Variants in METTL14 observed in about 807,000 individuals in gnomAD.
The protein encoded by METTL14 is methyltransferase 14, N6-adenosine-methyltransferase non-catalytic subunit.
Under a neutral mutation model 62.4 loss-of-function variants are expected in METTL14, and 32 were observed. The ratio of observed to expected loss-of-function variants is 0.51; its 90% CI spans 0.39 to 0.69. The LOEUF is 0.69. METTL14 is among the 30% of genes least tolerant of loss of function. METTL14 has a pLI of 0.00. For synonymous variants in METTL14, 150 were observed against 180.0 expected (o/e 0.83, Z 1.34); for missense variants, 340 against 551.9 (o/e 0.62, Z 3.85).
intron 7 of METTL14, 50 bp downstream of exon 7, chr4:118,697,373 T>C: frequency 3.4e-6 from 5 of 1,450,246 alleles, no homozygotes; most frequent in Non-Finnish European, 4.7e-6. Flanking sequence ...TTCAAATGAA[T>C]ATGTTTATTT....
chr4:118,694,174 G>C, intron 5 of METTL14, among the ~76,000 whole-genome samples: 1 of 149,700 alleles, frequency 6.7e-6, no homozygotes, highest in South Asian at 2.1e-4. Flanking sequence ...AGGGGTAATG[G>C]TTTAACTTAA....
At chr4:118,702,059 G>A (rs1378425552) in intron 8 of METTL14, among the ~76,000 whole-genome samples, 1 of 151,034 alleles carries the variant, frequency 6.6e-6, no homozygotes, top group Admixed American at 6.6e-5. Context: ...TTTAATATCT[G>A]ACTTTGATCT....
intron 2 of METTL14, 43 bp from the exon 3 acceptor site, chr4:118,689,327 A>G (rs1272936111): frequency 1.9e-6 from 2 of 1,062,566 alleles, no homozygotes; most frequent in Admixed American, 4.5e-5. Context: ...GCATTTATAC[A>G]TCTTGTATAT....
Position 118,700,616 on chromosome 4 carries a change from G to A in METTL14, c.712G>A (p.Gly238Arg). Residue 238 changes from glycine to arginine, a missense_variant, in exon 8 of 11, where the codon GGG (glycine) becomes AGG (arginine). Coordinates refer to ENST00000388822, the MANE Select transcript of METTL14 (RefSeq NM_020961.4). ...RSFIFLWCGS[G>R]EGLDLGRVCL... ...ATTTATTTTTCTCTGGTGTGGTTCT[G>A]GGGAGGGGTTGGACCTTGGAAGAGT... 6.2e-7 allele frequency: 1 copy of A among 1,612,362 alleles called. No homozygotes were observed. Among genetic ancestry groups the A allele is most frequent in the Non-Finnish European group, 8.5e-7 (1 of 1,178,890 alleles).
chr4:118,691,362 G>A lies in METTL14; in HGVS notation c.244-170G>A, dbSNP rs528377100. 2.6e-5 allele frequency among the ~76,000 whole-genome samples: 4 copies of A among 152,172 alleles called. No individual in the cohort carries two copies. In the East Asian group the frequency reaches 7.7e-4, roughly 29 times the overall value. On this transcript the variant is annotated intron_variant, in intron 3 of 10. Transcript: ENST00000388822. ...GGAAATTTTTTTATGAAAATAATCA[G>A]CTAGCTAGATCTAATAATGGGAAAG...
Position 118,697,299 on chromosome 4 carries a change from T to C in METTL14, c.621T>C (p.Asn207=). The change falls in exon 7 of 11, where the codon AAT becomes AAC. Residue 207 remains asparagine, a synonymous_variant. Transcript: ENST00000388822. ...EYYRETGITA[N]EKCWTWDDIM... The stretch of plus-strand genomic sequence containing the variant: ...ACAGAGAAACTGGCATCACTGCTAA[T>C]GAAAAATGCTGGACTTGGGATGATG... 6.2e-7 allele frequency: 1 copy of C among 1,606,300 alleles called. No individual in the cohort carries two copies.
rs930748282 is a variant in METTL14, at chr4:118,710,233, C to A, written c.1302C>A (p.Phe434Leu). Residue 434 changes from phenylalanine (F) to leucine (L), a missense_variant, in exon 11 of 11, where the codon TTC becomes TTA. Physicochemically the swap from Phe to Leu is conservative, Grantham distance 22 (BLOSUM62 0). This residue lies in a region of METTL14 where 44 missense variants were observed against 56.4 expected (regional missense o/e 0.78). Transcript: ENST00000388822. The part of the protein sequence containing the change: ...GRGRERNRSN[F>L]RGERGGFRGG... ...GACGAGAAAGAAATAGATCTAACTT[C>A]CGAGGAGAAAGAGGTGGCTTTAGAG... 7 of 1,614,186 alleles carry A rather than the reference C, an allele frequency of 4.3e-6. No homozygotes were observed. The East Asian group carries it at 1.6e-4, about 36-fold the overall frequency.
intron 10 of METTL14, 57 bp downstream of exon 10, chr4:118,705,878 A>G: frequency 7.8e-7 from 1 of 1,289,078 alleles, no homozygotes; most frequent in Non-Finnish European, 1.1e-6. Context: ...ATGTCAAGAA[A>G]TAGGACATGG....
chr4:118,685,566 G>T lies in METTL14; in HGVS notation c.32G>T (p.Arg11Leu), dbSNP rs761194552. Residue 11 changes from arginine to leucine, a missense_variant, in exon 1 of 11, where the codon CGG becomes CTG. By Grantham distance (102) the Arg-to-Leu change is moderately radical (BLOSUM62 -2). Around this residue, in one of 7 missense-constraint regions of METTL14, gnomAD observed 111 missense variants for 116.6 expected, o/e 0.95. Transcript: ENST00000388822. MDSRLQEIRE[R>L]QKLRRQLLAQ... is the part of the protein sequence containing the mutation. Reference sequence around the variant, plus strand: ...AGCCGCTTGCAGGAGATCCGGGAGCGGCAGAAGTTACGGCGACAGCTCCTC... The same window carrying T: ...AGCCGCTTGCAGGAGATCCGGGAGCTGCAGAAGTTACGGCGACAGCTCCTC... The T allele has an allele frequency of 6.2e-7, 1 of 1,614,100 alleles. No individual in the cohort carries two copies. Among genetic ancestry groups the T allele is most frequent in the Non-Finnish European group, 8.5e-7 (1 of 1,180,024 alleles).
chr4:118,689,468 A>G lies in METTL14; in HGVS notation c.243+11A>G. 1.4e-6 allele frequency: 2 copies of G among 1,437,986 alleles called. No homozygotes were observed. Among genetic ancestry groups the G allele is most frequent in the Non-Finnish European group, 1.9e-6 (2 of 1,035,872 alleles). 89.1% of individuals were successfully genotyped at this position (1,437,986 alleles called of 1,614,324 possible). ...ATGGAAGAATATAAGGCAAGTAGAG[A>G]GTGAAATAAGTTTATGGTCAAAGAA... On this transcript the variant is annotated intron_variant, in intron 3 of 10. Coordinates refer to ENST00000388822, the MANE Select transcript of METTL14 (RefSeq NM_020961.4).
chr4:118,685,629 G>C, intron 1 of METTL14, 29 bp downstream of exon 1: 1 of 1,610,072 alleles, frequency 6.2e-7, no homozygotes, highest in Non-Finnish European at 8.5e-7. Context: ...CCCTGTGGGA[G>C]GGATCGAGAA....
Position 118,700,626 on chromosome 4 carries a change from T to C in METTL14, c.722T>C (p.Leu241Ser). 1 of 1,610,388 alleles carries C rather than the reference T, an allele frequency of 6.2e-7. No homozygotes were observed. Among genetic ancestry groups the C allele is most frequent in the Non-Finnish European group, 8.5e-7 (1 of 1,177,778 alleles). ...CTCTGGTGTGGTTCTGGGGAGGGGT[T>C]GGACCTTGGAAGAGTGGTAAGATGG... ...IFLWCGSGEGLDLGRVCLRKW... is the reference protein window; with the variant it reads ...IFLWCGSGEGSDLGRVCLRKW... The change falls in exon 8 of 11, where the codon TTG becomes TCG. Residue 241 changes from leucine (L) to serine (S), a missense_variant. Coordinates refer to ENST00000388822, the MANE Select transcript of METTL14 (RefSeq NM_020961.4).
intron 7 of METTL14, 71 bp from the exon 8 acceptor site, chr4:118,700,476 ATTG>A: frequency 1.7e-6 from 2 of 1,185,746 alleles, no homozygotes; most frequent in East Asian, 2.4e-5. Context: ...ATAAATCTTA[ATTG>A]TTGTTCTTTT....
intron 8 of METTL14, 142 bp downstream of exon 8, chr4:118,700,784 TC>T: frequency 1.8e-6 from 1 of 566,588 alleles, no homozygotes; most frequent in Non-Finnish European, 3.0e-6. Flanking sequence ...AAAAAAAATG[TC>T]CAGAAAAGAA....
intron 3 of METTL14, among the ~76,000 whole-genome samples, chr4:118,690,077 G>A (rs1051054873): frequency 8.3e-5 from 9 of 108,286 alleles, no homozygotes; most frequent in African/African-American, 7.2e-5. Context: ...GTCTCACTCT[G>A]TCGCCCAGGC....
intron 5 of METTL14, among the ~76,000 whole-genome samples, chr4:118,692,686 C>G (rs1724286978): frequency 6.7e-6 from 1 of 150,008 alleles, no homozygotes; most frequent in Non-Finnish European, 1.5e-5. Context: ...ATAATACTTA[C>G]ATACTGTACA....
rs926049700 is a variant in METTL14 at position 118,685,412 on chromosome 4, T to G, written c.-123T>G. 1 of 981,550 alleles carries G rather than the reference T, an allele frequency of 1.0e-6. No individual in the cohort carries two copies. The highest frequency in any genetic ancestry group is 1.9e-5 in the Admixed American group (1 of 52,502). The allele number at this position is 981,550 out of a possible 1,614,324, so 60.8% of individuals were successfully genotyped here. A position where few individuals can be genotyped will look rare whatever the true frequency, so the allele number is the denominator to read the frequency against. Reference sequence around the variant, plus strand: ...GCCGGAAGTCTCTACTGAGGAAAGCTATGAGGATACTCTGTTCGTAAGCTC... The same window carrying G: ...GCCGGAAGTCTCTACTGAGGAAAGCGATGAGGATACTCTGTTCGTAAGCTC... On this transcript the variant is annotated 5_prime_UTR_variant, in exon 1 of 11. Coordinates refer to ENST00000388822, the MANE Select transcript of METTL14 (RefSeq NM_020961.4).
At chr4:118,694,574 G>A (rs1299977830) in intron 6 of METTL14, 48 bp downstream of exon 6, 3 of 1,379,892 alleles carry the variant, frequency 2.2e-6, no homozygotes, top group Middle Eastern at 1.8e-4. Flanking sequence ...CAGGCTTAAA[G>A]TATCAGTTTG....
chr4:118,685,439 C>G lies in METTL14; in HGVS notation c.-96C>G. 3 of 1,228,196 alleles carry G rather than the reference C, an allele frequency of 2.4e-6. No homozygotes were observed. Among genetic ancestry groups the G allele is most frequent in the South Asian group, 1.2e-5 (1 of 82,464 alleles). The allele number at this position is 1,228,196 out of a possible 1,614,324, so 76.1% of individuals were successfully genotyped here. A position where few individuals can be genotyped will look rare whatever the true frequency, so the allele number is the denominator to read the frequency against. On this transcript the variant is annotated 5_prime_UTR_variant, in exon 1 of 11. Coordinates refer to ENST00000388822, the MANE Select transcript of METTL14 (RefSeq NM_020961.4). Reference sequence around the variant, plus strand: ...TGAGGATACTCTGTTCGTAAGCTCCCGGTGAATTTTGTTCCACAGACTCGG... The same window carrying G: ...TGAGGATACTCTGTTCGTAAGCTCCGGGTGAATTTTGTTCCACAGACTCGG...
Sources: allele counts gnomAD v4.1 joint callset (sites outside exome capture counted in the v4.1 genomes callset), GRCh38; gene constraint gnomAD v4.1.1; regional missense constraint gnomAD v4.1.1; transcripts MANE v1.5; gene names NCBI Gene and HGNC (gene_info 2026-07-23, HGNC 2026-07-21).